NEBL: variants seen among roughly 807,000 people sequenced by gnomAD.
The protein encoded by NEBL is nebulette, also known as LIM and SH3 protein 2.
A neutral mutation model predicts 140.2 loss-of-function variants in NEBL; 122 were observed. The ratio of observed to expected loss-of-function variants is 0.87; its 90% CI spans 0.75 to 1.01. NEBL has a LOEUF of 1.01. Among genes scored for constraint, NEBL ranks in the 50% least tolerant of loss-of-function variants. NEBL has a pLI of 0.00. For synonymous variants in NEBL, 436 were observed against 398.9 expected (o/e 1.09, Z -1.11); for missense variants, 1,365 against 1,231.3 (o/e 1.11, Z -1.62).
intron 26 of NEBL, among the ~76,000 whole-genome samples, chr10:20,794,350 G>C (rs1453686448): frequency 1.3e-5 from 2 of 152,064 alleles, no homozygotes; most frequent in African/African-American, 4.8e-5. Flanking sequence ...TAATTTTCTA[G>C]TTTTAGCTAA....
intron 3 of NEBL, among the ~76,000 whole-genome samples, chr10:20,968,234 G>A (rs1321255001): frequency 6.6e-6 from 1 of 152,076 alleles, no homozygotes; most frequent in African/African-American, 2.4e-5. Flanking sequence ...GCCAGGCACC[G>A]TGGCTCCTGC....
At chr10:20,931,050 C>T (rs574136028) in intron 4 of NEBL, among the ~76,000 whole-genome samples, 29 of 152,238 alleles carry the variant, frequency 1.9e-4, no homozygotes, top group African/African-American at 6.0e-4. Flanking sequence ...CAACTCTGAG[C>T]AAGCCAGTCC....
At chr10:21,139,476 G>T (rs1234815123) in intron 2 of NEBL, among the ~76,000 whole-genome samples, 1 of 152,116 alleles carries the variant, frequency 6.6e-6, no homozygotes, top group African/African-American at 2.4e-5. Flanking sequence ...GGAGACCAAG[G>T]TTGAAAATCC....
At position 21,030,571 on chromosome 10, in the gene NEBL, G is replaced by A. The variant is rs547282035; in HGVS notation, c.165-10370C>T. The stretch of plus-strand genomic sequence containing the variant: ...ATCTCAGAGCTCAGACACACAGCAC[G>A]AATACCCTACAAGTGGTGGGGGAAA... On this transcript the variant is annotated intron_variant, in intron 2 of 6. Coordinates refer to the NEBL transcript ENST00000417816. 35 of 691,252 alleles carry A rather than the reference G, an allele frequency of 5.1e-5. No individual in the cohort carries two copies. In the East Asian group the frequency reaches 1.0e-3, roughly 20 times the overall value. The allele number at this position is 691,252 out of a possible 1,614,324, so 42.8% of individuals were successfully genotyped here. A position where few individuals can be genotyped will look rare whatever the true frequency, so the allele number is the denominator to read the frequency against.
At position 21,173,970 on chromosome 10, in the gene NEBL, G is replaced by T. The variant is rs1841207973; in HGVS notation, c.-137C>A. 3 of 1,348,692 alleles carry T rather than the reference G, an allele frequency of 2.2e-6. No individual in the cohort carries two copies. The highest frequency in any genetic ancestry group is 2.8e-6 in the Non-Finnish European group (3 of 1,058,586). The allele number at this position is 1,348,692 out of a possible 1,614,324, so 83.5% of individuals were successfully genotyped here. A position where few individuals can be genotyped will look rare whatever the true frequency, so the allele number is the denominator to read the frequency against. On this transcript the variant is annotated 5_prime_UTR_variant, in exon 1 of 7. Transcript: ENST00000417816. This position sits in a 1 kb window ranked among gnomAD's most constrained non-coding sequence, Gnocchi z 5.7. ...GGCGGGCGCCGGGTAGGGAGTCGGC[G>T]CCGGGCCACGGGTGAGTGCACGGGG... is the stretch of plus-strand genomic sequence containing the variant.
chr10:21,099,343 TCTC>T (rs1334281619), intron 2 of NEBL, among the ~76,000 whole-genome samples: 1 of 152,096 alleles, frequency 6.6e-6, no homozygotes, highest in Non-Finnish European at 1.5e-5. Context: ...GCTTCCCTCC[TCTC>T]CTTTCGCGTC....
At chr10:21,227,711 T>TTG (rs1456600511) in intron 3 of NEBL, among the ~76,000 whole-genome samples, 1 of 46,424 alleles carries the variant, frequency 2.2e-5, no homozygotes, top group Non-Finnish European at 5.0e-5. Flanking sequence ...CTTCTTCTTC[T>TTG]TTCTTCTTCT....
intron 26 of NEBL, among the ~76,000 whole-genome samples, chr10:20,799,234 C>A (rs915090154): frequency 1.3e-5 from 2 of 152,186 alleles, no homozygotes; most frequent in Admixed American, 6.5e-5. Flanking sequence ...TGGCTTACTG[C>A]AACCTCCACC....
intron 3 of NEBL, among the ~76,000 whole-genome samples, chr10:21,017,917 A>G (rs1456986071): frequency 6.6e-6 from 1 of 150,430 alleles, no homozygotes; most frequent in Non-Finnish European, 1.5e-5. Context: ...TCCACCTCCC[A>G]TGTTCAAGCA....
chr10:21,198,700 C>A (rs575002197), intron 3 of NEBL, among the ~76,000 whole-genome samples: 1 of 152,246 alleles, frequency 6.6e-6, no homozygotes, highest in East Asian at 1.9e-4. Context: ...TCCATACATA[C>A]CCCTCCCACT....
intron 22 of NEBL, 150 bp downstream of exon 22, chr10:20,815,475 G>A (rs1838632528): frequency 8.9e-6 from 6 of 671,408 alleles, no homozygotes; most frequent in Non-Finnish European, 1.6e-5. Context: ...GGCAGCTTTT[G>A]GAAGTCATCT....
intron 20 of NEBL, among the ~76,000 whole-genome samples, chr10:20,818,358 T>C (rs1421331271): frequency 1.3e-5 from 2 of 152,154 alleles, no homozygotes; most frequent in Non-Finnish European, 2.9e-5. Context: ...AGACTCAGTT[T>C]CCCACATCTA....
intron 13 of NEBL, among the ~76,000 whole-genome samples, chr10:20,836,590 T>C (rs1342031687): frequency 2.0e-5 from 3 of 152,090 alleles, no homozygotes; most frequent in Non-Finnish European, 4.4e-5. Flanking sequence ...AAACTCCAAC[T>C]GGCCTGTGCA....
intron 27 of NEBL, 41 bp downstream of exon 27, chr10:20,787,161 G>A: frequency 7.0e-7 from 1 of 1,429,916 alleles, no homozygotes; most frequent in Non-Finnish European, 9.8e-7. Flanking sequence ...AGGGGAAATG[G>A]GAAGACCAGC....
intron 4 of NEBL, among the ~76,000 whole-genome samples, chr10:20,905,611 A>G (rs10740987): frequency 0.78 from 118,622 of 152,152 alleles, 46,642 homozygotes; most frequent in African/African-American, 0.87. Flanking sequence ...TGGGGACACA[A>G]AGCCAAACCA....
At chr10:21,214,565 TAC>T (rs1464409243) in intron 3 of NEBL, among the ~76,000 whole-genome samples, 12 of 146,588 alleles carry the variant, frequency 8.2e-5, no homozygotes, top group African/African-American at 1.3e-4. Context: ...GTGCACACAT[TAC>T]ACACACGCAC....
At chr10:20,786,074 T>C (rs1835381036) in intron 27 of NEBL, 151 bp from the exon 28 acceptor site, 1 of 771,540 alleles carries the variant, frequency 1.3e-6, no homozygotes, top group African/African-American at 1.7e-5. Flanking sequence ...AGCATCTCAT[T>C]GTGCTGATCT....
chr10:21,255,827 C>A (rs1169346867), intron 1 of NEBL, among the ~76,000 whole-genome samples: 1 of 151,920 alleles, frequency 6.6e-6, no homozygotes, highest in Non-Finnish European at 1.5e-5. Context: ...GAAACCCCAT[C>A]TCTACTAAAA....
At chr10:21,067,910 T>C (rs1412308588) in intron 2 of NEBL, among the ~76,000 whole-genome samples, 1 of 151,894 alleles carries the variant, frequency 6.6e-6, no homozygotes, top group East Asian at 1.9e-4. Flanking sequence ...GCGCAGGAGG[T>C]CAAGGCTGCA....
Sources: gnomAD v4.1 joint callset for allele counts (sites outside exome capture counted in the v4.1 genomes callset) on GRCh38, gnomAD v4.1.1 for gene constraint, Gnocchi (gnomAD v3.1) non-coding constraint, MANE v1.5 for transcripts, NCBI Gene and HGNC (gene_info 2026-07-23, HGNC 2026-07-21) for gene names.